The following PTP4A1 variants were observed in gnomAD, a reference collection of about 807,000 sequenced individuals.
PTP4A1 encodes protein tyrosine phosphatase 4A1.
PTP4A1 carries 9 observed loss-of-function variants against 20.5 expected under a neutral mutation model. The observed-to-expected ratio is 0.44, with a 90% confidence interval of 0.26 to 0.77. The LOEUF (loss-of-function observed/expected upper bound fraction) is 0.77, where lower values mean the gene tolerates loss of function less well. Among genes scored for constraint, PTP4A1 ranks in the 30% least tolerant of loss-of-function variants. The pLI is 0.19. For synonymous variants in PTP4A1, 78 were observed against 67.4 expected (o/e 1.16, Z -0.77); for missense variants, 137 against 218.8 (o/e 0.63, Z 2.36).
At chr6:63,539,063 G>T (rs1581918688) in intron 2 of PTP4A1, among the ~76,000 whole-genome samples, 1 of 151,694 alleles carries the variant, frequency 6.6e-6, no homozygotes, top group Non-Finnish European at 1.5e-5. Context: ...CGGCTAATTT[G>T]TGTTTTTTTA....
intron 2 of PTP4A1, among the ~76,000 whole-genome samples, chr6:63,546,947 A>T (rs1246772902): frequency 6.6e-6 from 1 of 152,186 alleles, no homozygotes; most frequent in Admixed American, 6.5e-5. Flanking sequence ...CCATAAATAT[A>T]TTTAATTTTT....
chr6:63,579,187 T>C, intron 4 of PTP4A1, 70 bp from the exon 5 acceptor site: 2 of 1,490,860 alleles, frequency 1.3e-6, no homozygotes, highest in East Asian at 4.6e-5. Context: ...AGTTGGGGAA[T>C]GTTTGGAGAA....
rs1778145763 is a variant in PTP4A1, at chr6:63,580,284, T to C, written c.*110T>C. 1 of 883,172 alleles carries C rather than the reference T, an allele frequency of 1.1e-6. No individual in the cohort carries two copies. Among genetic ancestry groups the C allele is most frequent in the South Asian group, 1.6e-5 (1 of 62,162 alleles). The allele number at this position is 883,172 out of a possible 1,614,324, so 54.7% of individuals were successfully genotyped here. A position where few individuals can be genotyped will look rare whatever the true frequency, so the allele number is the denominator to read the frequency against. The stretch of plus-strand genomic sequence containing the variant: ...AAGTCTAATGAAGCTTCCATAGGAG[T>C]ATTGAAAGGCAGTTTTACCAGGCCT... On this transcript the variant is annotated 3_prime_UTR_variant, in exon 6 of 6. Transcript: ENST00000626021.
chr6:63,526,878 A>G (rs371973263), intron 1 of PTP4A1, among the ~76,000 whole-genome samples: 114 of 147,128 alleles, frequency 7.7e-4, no homozygotes, highest in East Asian at 6.9e-3. Context: ...AGGATGCATT[A>G]CTTGCACTAT....
exon 2 of PTP4A1, chr6:63,528,054 C>T (rs1397439815): frequency 1.1e-4 from 17 of 152,196 alleles, no homozygotes; most frequent in Admixed American, 1.1e-3. Flanking sequence ...AAGAGCATGG[C>T]TATGGGAGAA....
intron 2 of PTP4A1, among the ~76,000 whole-genome samples, chr6:63,536,262 G>A (rs914953498): frequency 6.6e-6 from 1 of 152,098 alleles, no homozygotes; most frequent in Non-Finnish European, 1.5e-5. Context: ...CCTGGGAGGC[G>A]TAGGTTGCAG....
At chr6:63,535,488 A>T (rs367580510) in intron 2 of PTP4A1, among the ~76,000 whole-genome samples, 1 of 152,290 alleles carries the variant, frequency 6.6e-6, no homozygotes, top group Non-Finnish European at 1.5e-5. Context: ...AAAAAGCAAT[A>T]ATATGCATTT....
At chr6:63,545,926 C>T (rs1445168931) in intron 2 of PTP4A1, among the ~76,000 whole-genome samples, 2 of 152,156 alleles carry the variant, frequency 1.3e-5, no homozygotes, top group Non-Finnish European at 1.5e-5. Context: ...AATATATTTA[C>T]TCATTTGCTT....
intron 3 of PTP4A1, among the ~76,000 whole-genome samples, chr6:63,557,539 CT>C (rs1776745150): frequency 1.3e-5 from 2 of 152,112 alleles, no homozygotes; most frequent in South Asian, 4.1e-4. Flanking sequence ...ACACTCCAGC[CT>C]GGGCTACAGA....
chr6:63,575,220 A>G (rs79804606), intron 1 of PTP4A1, among the ~76,000 whole-genome samples: 3,130 of 152,316 alleles, frequency 0.021, 107 homozygotes, highest in African/African-American at 0.071. Flanking sequence ...TTAAGCATGG[A>G]AACTAATGGA....
At chr6:63,525,876 A>G (rs1270402519) in intron 1 of PTP4A1, among the ~76,000 whole-genome samples, 1 of 152,150 alleles carries the variant, frequency 6.6e-6, no homozygotes, top group Non-Finnish European at 1.5e-5. Context: ...GACTGATACA[A>G]ATGTTAATAT....
chr6:63,564,255 G>A (rs1272166159), intron 3 of PTP4A1, among the ~76,000 whole-genome samples: 2 of 147,680 alleles, frequency 1.4e-5, no homozygotes, highest in Non-Finnish European at 1.5e-5. Context: ...CAGCCTGGGT[G>A]ACAGAGCGAG....
At chr6:63,549,170 C>T in intron 2 of PTP4A1, 2 of 685,784 alleles carry the variant, frequency 2.9e-6, no homozygotes, top group African/African-American at 1.8e-5. Context: ...GGGCCAACAG[C>T]CTCTGTTTCT....
intron 1 of PTP4A1, among the ~76,000 whole-genome samples, chr6:63,575,177 GAATTTT>G (rs1340209117): frequency 3.9e-5 from 6 of 152,170 alleles, no homozygotes; most frequent in African/African-American, 1.2e-4. Flanking sequence ...CAGATCGTTT[GAATTTT>G]AATTTTAAGA....
intron 1 of PTP4A1, among the ~76,000 whole-genome samples, chr6:63,574,819 GA>G (rs1274660352): frequency 6.6e-6 from 1 of 152,160 alleles, no homozygotes; most frequent in Non-Finnish European, 1.5e-5. Flanking sequence ...AATTTGGGGT[GA>G]AAGTATAATG....
intron 3 of PTP4A1, chr6:63,550,555 C>T (rs926093585): frequency 2.0e-5 from 3 of 152,120 alleles, no homozygotes; most frequent in Non-Finnish European, 2.9e-5. Context: ...AGCCTTGGTT[C>T]GGGTGCATAT....
rs1008299565 is a variant in PTP4A1 at position 63,579,041 on chromosome 6, A to T, written c.329+13A>T. 12 of 1,559,846 alleles carry T rather than the reference A, an allele frequency of 7.7e-6. No individual in the cohort carries two copies. In the African/African-American group the frequency reaches 1.5e-4, roughly 20 times the overall value. ...CAGGCCTTGGGAGGTAAATGAATTT[A>T]TCAATTTGATTCTAGGTAAAAATCT... is the stretch of plus-strand genomic sequence containing the variant. On this transcript the variant is annotated intron_variant, in intron 4 of 5. Coordinates refer to ENST00000626021, the MANE Select transcript of PTP4A1 (RefSeq NM_003463.5).
chr6:63,539,178 G>C (rs1031945633), intron 2 of PTP4A1, among the ~76,000 whole-genome samples: 1 of 152,156 alleles, frequency 6.6e-6, no homozygotes, highest in Non-Finnish European at 1.5e-5. Context: ...ACAGTCATGA[G>C]CCACCGTGCC....
intron 2 of PTP4A1, among the ~76,000 whole-genome samples, chr6:63,539,693 C>T (rs768885204): frequency 2.0e-5 from 3 of 151,658 alleles, no homozygotes; most frequent in Non-Finnish European, 2.9e-5. Context: ...TGCTTGAACC[C>T]GGGAGAGGGA....
Sources: allele counts gnomAD v4.1 joint callset (sites outside exome capture counted in the v4.1 genomes callset), GRCh38; gene constraint gnomAD v4.1.1; transcripts MANE v1.5; gene names NCBI Gene and HGNC (gene_info 2026-07-23, HGNC 2026-07-21).